The following CADM1 variants were observed in gnomAD, a reference collection of about 807,000 sequenced individuals.
The protein encoded by CADM1 is cell adhesion molecule 1, also known as TSLC-1.
In CADM1, 15 loss-of-function variants were observed where a neutral mutation model predicts 53.1. That is an observed-to-expected ratio of 0.28 (90% CI 0.19 to 0.44). The LOEUF is 0.44. CADM1 is among the 20% of genes least tolerant of loss of function. The pLI is 1.00. For synonymous variants in CADM1, 281 were observed against 243.0 expected (o/e 1.16, Z -1.45); for missense variants, 434 against 611.3 (o/e 0.71, Z 3.06).
rs372594262 is a variant in CADM1 at position 115,400,661 on chromosome 11, GTATATATATATATATATA to G, written c.124+103592_124+103609del. 1.6e-3 allele frequency among the ~76,000 whole-genome samples: 76 copies of G among 46,570 alleles called. 1 individual carries two copies. Among genetic ancestry groups the G allele is most frequent in the South Asian group, 5.1e-3 (6 of 1,184 alleles). 30.6% of individuals were successfully genotyped at this position (46,570 alleles called of 152,430 possible). ...TATATGTGTGTGTGTGTGTGTGTGT[GTATATATATATATATATA>G]TATATATATATATATATATATATAT... is the stretch of plus-strand genomic sequence containing the variant. On this transcript the variant is annotated intron_variant, in intron 1 of 11. Coordinates refer to ENST00000331581, the MANE Select transcript of CADM1 (RefSeq NM_001301043.2).
chr11:115,213,608 C>A (rs959845830), intron 7 of CADM1, among the ~76,000 whole-genome samples: 20 of 152,102 alleles, frequency 1.3e-4, no homozygotes, highest in African/African-American at 3.4e-4. Context: ...AAGCAAAGTA[C>A]CCTGGTTCTA....
At chr11:115,278,103 A>G (rs1477144130) in intron 1 of CADM1, among the ~76,000 whole-genome samples, 2 of 152,078 alleles carry the variant, frequency 1.3e-5, no homozygotes, top group Non-Finnish European at 2.9e-5. Context: ...GTGGATTGCC[A>G]TGAAACCTTG....
At chr11:115,285,474 A>G (rs1943706817) in intron 1 of CADM1, among the ~76,000 whole-genome samples, 1 of 152,214 alleles carries the variant, frequency 6.6e-6, no homozygotes, top group African/African-American at 2.4e-5. Flanking sequence ...TAACTTGTTC[A>G]AGGTCACCTG....
chr11:115,243,055 CAG>C (rs1260482048), intron 1 of CADM1, among the ~76,000 whole-genome samples: 1 of 152,296 alleles, frequency 6.6e-6, no homozygotes, highest in East Asian at 1.9e-4. Context: ...AACAATAAAA[CAG>C]AGTGAGGTTT....
At chr11:115,475,817 C>T (rs1383817900) in intron 1 of CADM1, among the ~76,000 whole-genome samples, 3 of 152,028 alleles carry the variant, frequency 2.0e-5, no homozygotes, top group African/African-American at 4.8e-5. Flanking sequence ...TGAGGGGATC[C>T]GGGTGAGTGA....
intron 1 of CADM1, among the ~76,000 whole-genome samples, chr11:115,376,477 A>G (rs1401138027): frequency 6.6e-6 from 1 of 152,176 alleles, no homozygotes; most frequent in Non-Finnish European, 1.5e-5. Context: ...GGGAGAAGAC[A>G]AAAGAGAGGT....
intron 1 of CADM1, among the ~76,000 whole-genome samples, chr11:115,440,033 A>G (rs1948274439): frequency 6.6e-6 from 1 of 152,222 alleles, no homozygotes. Flanking sequence ...GGCAGGCTTG[A>G]TTTCAAATAT....
chr11:115,307,508 G>GAAA (rs760496607), intron 1 of CADM1, among the ~76,000 whole-genome samples: 11,285 of 142,836 alleles, frequency 0.079, 482 homozygotes, highest in South Asian at 0.11. Flanking sequence ...TTTAAGCCAG[G>GAAA]AAAAAAAAAA....
At chr11:115,252,759 A>T (rs988197095) in intron 1 of CADM1, among the ~76,000 whole-genome samples, 11 of 152,180 alleles carry the variant, frequency 7.2e-5, no homozygotes, top group Non-Finnish European at 5.9e-5. Context: ...AAAAAAAATC[A>T]ATATTTCAGA....
chr11:115,430,578 G>A (rs1361396862), intron 1 of CADM1, among the ~76,000 whole-genome samples: 1 of 152,170 alleles, frequency 6.6e-6, no homozygotes, highest in Non-Finnish European at 1.5e-5. Flanking sequence ...AAACAAAGGG[G>A]TTATCAAATT....
At chr11:115,374,519 C>T (rs1207070393) in intron 1 of CADM1, among the ~76,000 whole-genome samples, 1 of 152,090 alleles carries the variant, frequency 6.6e-6, no homozygotes, top group Admixed American at 6.5e-5. Flanking sequence ...AGATCCTCAC[C>T]ATTTTGCAGC....
intron 1 of CADM1, among the ~76,000 whole-genome samples, chr11:115,371,408 C>T (rs1946303621): frequency 6.6e-6 from 1 of 151,882 alleles, no homozygotes; most frequent in Non-Finnish European, 1.5e-5. Context: ...AGCTCTACAA[C>T]AACCACTAAA....
intron 1 of CADM1, among the ~76,000 whole-genome samples, chr11:115,431,287 G>A (rs1283726355): frequency 2.6e-5 from 4 of 151,702 alleles, no homozygotes; most frequent in African/African-American, 9.7e-5. Flanking sequence ...TCTTCTTAAC[G>A]GCCCATACCC....
At chr11:115,263,642 C>T (rs1434068268) in intron 1 of CADM1, among the ~76,000 whole-genome samples, 4 of 151,938 alleles carry the variant, frequency 2.6e-5, no homozygotes, top group African/African-American at 9.7e-5. Flanking sequence ...GTTTATAATC[C>T]AATACTATTA....
chr11:115,174,130 C>A lies in CADM1; in HGVS notation c.*2344G>T, dbSNP rs1048932. Reference sequence around the variant, plus strand: ...TACCTGAGACGGAAAACACCAATCGCAACACATGAACCTGAGACATGTCAA... The same window carrying A: ...TACCTGAGACGGAAAACACCAATCGAAACACATGAACCTGAGACATGTCAA... On this transcript the variant is annotated 3_prime_UTR_variant, in exon 12 of 12. Coordinates refer to ENST00000331581, the MANE Select transcript of CADM1 (RefSeq NM_001301043.2). The A allele has an allele frequency of 0.41, 406,601 of 984,278 alleles. 84,159 individuals are homozygous for A. Among genetic ancestry groups the A allele is most frequent in the South Asian group, 0.44 (9,422 of 21,266 alleles). 61.0% of individuals were successfully genotyped at this position (984,278 alleles called of 1,614,324 possible).
At chr11:115,270,095 A>G (rs927507238) in intron 1 of CADM1, among the ~76,000 whole-genome samples, 1 of 152,252 alleles carries the variant, frequency 6.6e-6, no homozygotes, top group Non-Finnish European at 1.5e-5. Context: ...CATGCATTTA[A>G]GTAGCACAGC....
chr11:115,250,355 C>T lies in CADM1; in HGVS notation c.125-9935G>A, dbSNP rs144087376. Among the ~76,000 whole-genome samples the T allele has an allele frequency of 3.1e-3, 478 of 152,210 alleles. 13 individuals are homozygous for T. In the East Asian group the frequency reaches 0.058, roughly 19 times the overall value. ...ATGATTTTCTCTTTGTTAAGAGGTACTGTGATTAAACTTGGGTCACTTTTC... is the reference window on the plus strand; with the variant it reads ...ATGATTTTCTCTTTGTTAAGAGGTATTGTGATTAAACTTGGGTCACTTTTC... On this transcript the variant is annotated intron_variant, in intron 1 of 11. Transcript: ENST00000331581.
chr11:115,500,064 T>C (rs894988770), intron 1 of CADM1, among the ~76,000 whole-genome samples: 2 of 152,146 alleles, frequency 1.3e-5, no homozygotes, highest in African/African-American at 4.8e-5. Context: ...AAATTTTCAA[T>C]TCTGCAACAG....
chr11:115,347,771 C>T (rs1228391277), intron 1 of CADM1, among the ~76,000 whole-genome samples: 1 of 152,172 alleles, frequency 6.6e-6, no homozygotes, highest in African/African-American at 2.4e-5. Flanking sequence ...TTAATGCCCT[C>T]ACTATACTGC....
Sources: gnomAD v4.1 joint callset for allele counts (sites outside exome capture counted in the v4.1 genomes callset) on GRCh38, gnomAD v4.1.1 for gene constraint, MANE v1.5 for transcripts, NCBI Gene and HGNC (gene_info 2026-07-23, HGNC 2026-07-21) for gene names.